The following RPS6KA2 variants were observed in gnomAD, a reference collection of about 807,000 sequenced individuals.
RPS6KA2 encodes the protein ribosomal protein S6 kinase alpha-2.
Under a neutral mutation model 91.8 loss-of-function variants are expected in RPS6KA2, and 42 were observed. The ratio of observed to expected loss-of-function variants is 0.46; its 90% CI spans 0.36 to 0.59. RPS6KA2 has a LOEUF of 0.59. Ranked by LOEUF, RPS6KA2 falls within the 20% of genes least tolerant of loss-of-function variation. The pLI is 0.00. For missense variants in RPS6KA2, 798 were observed against 978.5 expected (o/e 0.82, Z 2.46); for synonymous variants, 414 against 393.6 (o/e 1.05, Z -0.61).
intron 2 of RPS6KA2, among the ~76,000 whole-genome samples, chr6:166,834,931 C>G (rs1054525797): frequency 1.3e-5 from 2 of 152,046 alleles, no homozygotes; most frequent in African/African-American, 4.8e-5. Flanking sequence ...TTTATTCTAT[C>G]AGTGTTATTG....
chr6:166,653,020 T>G (rs1332543075), intron 2 of RPS6KA2, among the ~76,000 whole-genome samples: 2 of 152,222 alleles, frequency 1.3e-5, no homozygotes, highest in Non-Finnish European at 1.5e-5. Flanking sequence ...CCACAGAACC[T>G]GCCACTAGGC....
intron 2 of RPS6KA2, among the ~76,000 whole-genome samples, chr6:166,828,401 C>CA (rs2128625510): frequency 6.6e-6 from 1 of 152,362 alleles, no homozygotes; most frequent in South Asian, 2.1e-4. Flanking sequence ...TGCTAAATGA[C>CA]AAACCACGTT....
intron 2 of RPS6KA2, among the ~76,000 whole-genome samples, chr6:166,647,904 A>C (rs993661318): frequency 6.6e-6 from 1 of 150,708 alleles, no homozygotes; most frequent in African/African-American, 2.4e-5. Flanking sequence ...ACACATGCTC[A>C]CACACATGCA....
rs539841762 is a variant in RPS6KA2, at chr6:166,809,557, G to C, written c.123+48643C>G. 1.4e-4 allele frequency among the ~76,000 whole-genome samples: 22 copies of C among 152,328 alleles called. 1 individual carries two copies. The South Asian group carries it at 4.6e-3, about 32-fold the overall frequency. Reference sequence around the variant, plus strand: ...GGGTGTGGACAGGTGAGTCTCAGAAGAGAAAACCCAATGGCTAACATGTAT... The same window carrying C: ...GGGTGTGGACAGGTGAGTCTCAGAACAGAAAACCCAATGGCTAACATGTAT... On this transcript the variant is annotated intron_variant, in intron 2 of 21. Coordinates refer to the RPS6KA2 transcript ENST00000503859.
chr6:166,751,393 C>T (rs1407125415), intron 2 of RPS6KA2, among the ~76,000 whole-genome samples: 2 of 152,258 alleles, frequency 1.3e-5, no homozygotes, highest in African/African-American at 2.4e-5. Flanking sequence ...TGAGTTGGCC[C>T]TGAGTCAGCC....
chr6:166,848,395 A>T (rs1248168713), intron 2 of RPS6KA2, among the ~76,000 whole-genome samples: 1 of 152,254 alleles, frequency 6.6e-6, no homozygotes, highest in African/African-American at 2.4e-5. Context: ...TTGATCCAGC[A>T]GTCCCACTAC....
chr6:166,588,559 C>T (rs1264315025), intron 1 of RPS6KA2, among the ~76,000 whole-genome samples: 3 of 152,212 alleles, frequency 2.0e-5, no homozygotes, highest in African/African-American at 7.2e-5. Context: ...TGGGGAAATT[C>T]TGCCTGTCCC....
intron 2 of RPS6KA2, among the ~76,000 whole-genome samples, chr6:166,690,159 CACA>C (rs1216812141): frequency 2.6e-5 from 4 of 152,208 alleles, no homozygotes; most frequent in African/African-American, 9.6e-5. Flanking sequence ...GGGACCACAT[CACA>C]ACCCACCAGT....
intron 16 of RPS6KA2, among the ~76,000 whole-genome samples, chr6:166,427,295 C>T (rs79486165): frequency 4.6e-5 from 7 of 152,012 alleles, no homozygotes; most frequent in African/African-American, 1.2e-4. Context: ...ATTGATGGGA[C>T]GTATCTCAAA....
rs1310758457 is a variant in RPS6KA2, at chr6:166,451,221, A to C, written c.1088T>G (p.Val363Gly). The change falls in exon 13 of 21, where the codon GTC becomes GGC. Residue 363 changes from valine (V) to glycine (G), a missense_variant. Transcript: ENST00000265678. ...GTGATGAGCGTTTGCACTCGGGGGGACGCCAGGAGAGTCTGTAGGTGACAG... is the reference window on the plus strand; with the variant it reads ...GTGATGAGCGTTTGCACTCGGGGGGCCGCCAGGAGAGTCTGTAGGTGACAG... ...TARTPTDSPG[V>G]PPSANAHHLF... 6.2e-7 allele frequency: 1 copy of C among 1,613,560 alleles called. No homozygotes were observed. The highest frequency in any genetic ancestry group is 8.5e-7 in the Non-Finnish European group (1 of 1,179,836).
At chr6:166,438,040 C>G (rs1440961337) in intron 14 of RPS6KA2, among the ~76,000 whole-genome samples, 2 of 152,198 alleles carry the variant, frequency 1.3e-5, no homozygotes, top group African/African-American at 4.8e-5. Context: ...CTAGGCAGGC[C>G]ATTTCCCTTG....
chr6:166,718,361 T>C (rs1790080280), intron 2 of RPS6KA2, among the ~76,000 whole-genome samples: 1 of 148,592 alleles, frequency 6.7e-6, no homozygotes, highest in Non-Finnish European at 1.5e-5. Flanking sequence ...TGCTCAGCCT[T>C]ATGTGAGGCT....
intron 2 of RPS6KA2, among the ~76,000 whole-genome samples, chr6:166,715,786 CCA>C (rs1210958943): frequency 6.6e-6 from 1 of 152,066 alleles, no homozygotes; most frequent in Non-Finnish European, 1.5e-5. Flanking sequence ...GCCTGTAATC[CCA>C]GCACTTTGGG....
chr6:166,708,518 T>C (rs909289564), intron 2 of RPS6KA2, among the ~76,000 whole-genome samples: 1 of 152,202 alleles, frequency 6.6e-6, no homozygotes, highest in Non-Finnish European at 1.5e-5. Context: ...TAAAAATAAT[T>C]TCAGTATAAA....
rs146196656 is a variant in RPS6KA2, at chr6:166,708,202, A to G, written c.123+149998T>C. On this transcript the variant is annotated intron_variant, in intron 2 of 21. Transcript: ENST00000503859. ...TGATTTAATTCAATATATTTTTGTC[A>G]CTATGTATTAATTCTGTTGGAAACA... Among the ~76,000 whole-genome samples, 6 of 152,312 alleles carry G rather than the reference A, an allele frequency of 3.9e-5. No homozygotes were observed. The East Asian group carries it at 1.2e-3, about 29-fold the overall frequency.
intron 2 of RPS6KA2, among the ~76,000 whole-genome samples, chr6:166,833,101 G>A (rs1188541007): frequency 2.6e-5 from 4 of 152,162 alleles, no homozygotes; most frequent in Non-Finnish European, 4.4e-5. Context: ...GCACTTGCAT[G>A]GTACTACCAC....
chr6:166,495,899 G>A lies in RPS6KA2; in HGVS notation c.747+2609C>T, dbSNP rs1034826551. 3.3e-5 allele frequency among the ~76,000 whole-genome samples: 5 copies of A among 152,224 alleles called. No homozygotes were observed. The highest frequency in any genetic ancestry group is 1.2e-4 in the African/African-American group (5 of 41,438). The stretch of plus-strand genomic sequence containing the variant: ...GCTGATGGTGGAAGGGGACCGGGGG[G>A]AGTTTGCTGGAGCAAGGCGAGCCCG... On this transcript the variant is annotated intron_variant, in intron 8 of 20. Coordinates refer to ENST00000265678, the MANE Select transcript of RPS6KA2 (RefSeq NM_021135.6). This position sits in a 1 kb window ranked among gnomAD's most constrained non-coding sequence, Gnocchi z 4.4.
intron 2 of RPS6KA2, among the ~76,000 whole-genome samples, chr6:166,827,519 T>C (rs1402546316): frequency 6.6e-6 from 1 of 152,228 alleles, no homozygotes; most frequent in Non-Finnish European, 1.5e-5. Context: ...TGTATTCCCA[T>C]TGCAATGCTC....
intron 1 of RPS6KA2, among the ~76,000 whole-genome samples, chr6:166,549,217 T>C (rs1399701205): frequency 6.6e-6 from 1 of 152,252 alleles, no homozygotes; most frequent in Admixed American, 6.5e-5. Flanking sequence ...TGTACGTTGC[T>C]GGTGTAAATA....
Sources: gnomAD v4.1 joint callset for allele counts (sites outside exome capture counted in the v4.1 genomes callset) on GRCh38, gnomAD v4.1.1 for gene constraint, Gnocchi (gnomAD v3.1) non-coding constraint, MANE v1.5 for transcripts, NCBI Gene and HGNC (gene_info 2026-07-23, HGNC 2026-07-21) for gene names.